The following USP36 variants were observed in gnomAD, a reference collection of about 807,000 sequenced individuals.
The protein encoded by USP36 is ubiquitin specific peptidase 36.
In USP36, 59 loss-of-function variants were observed where a neutral mutation model predicts 111.5. The observed-to-expected ratio is 0.53, with a 90% CI of 0.43 to 0.66. USP36 has a LOEUF of 0.66. USP36 is among the 30% of genes least tolerant of loss of function. The pLI is 0.00. For synonymous variants in USP36, 628 were observed against 581.0 expected, an observed-to-expected ratio of 1.08 and a Z score of -1.16; for missense variants, 1,488 against 1,468.0, an observed-to-expected ratio of 1.01 and a Z score of -0.22.
Position 78,818,679 on chromosome 17 carries a change from C to A in USP36, c.1011G>T (p.Gly337=). Reference sequence around the variant, plus strand: ...CACGAGCGCTCACCTTGGTGATCTTCCCCCCGCTGAAGTTGGCAAAGCGCT... The same window carrying A: ...CACGAGCGCTCACCTTGGTGATCTTACCCCCGCTGAAGTTGGCAAAGCGCT... ...SLKRFANFSG[G]KITKDVGYPE... is the part of the protein sequence containing the mutation. The change falls in exon 10 of 21, where the codon GGG becomes GGT. Residue 337 remains glycine (G), a synonymous_variant. Coordinates refer to ENST00000449938, the MANE Select transcript of USP36 (RefSeq NM_001385174.1). 2 of 1,613,582 alleles carry A rather than the reference C, an allele frequency of 1.2e-6. No homozygotes were observed. Among genetic ancestry groups the A allele is most frequent in the Non-Finnish European group, 1.7e-6 (2 of 1,179,620 alleles).
At chr17:78,822,762 T>C (rs927906233) in intron 6 of USP36, among the ~76,000 whole-genome samples, 1 of 152,208 alleles carries the variant, frequency 6.6e-6, no homozygotes, top group Admixed American at 6.5e-5. Context: ...CTGGTTCTAC[T>C]TGCAACCCAC....
At position 78,818,657 on chromosome 17, in the gene USP36, G is replaced by C. The variant is rs368388383; in HGVS notation, c.1023+10C>G. On this transcript the variant is annotated intron_variant, in intron 10 of 20. Coordinates refer to ENST00000449938, the MANE Select transcript of USP36 (RefSeq NM_001385174.1). ...ACGGAGCTGCCTGGGATGGTGTCAC[G>C]AGCGCTCACCTTGGTGATCTTCCCC... The C allele has an allele frequency of 2.5e-6, 4 of 1,612,788 alleles. No individual in the cohort carries two copies. The highest frequency in any genetic ancestry group is 1.7e-5 in the Admixed American group (1 of 59,988).
Position 78,813,881 on chromosome 17 carries a change from A to AG in USP36, c.1165-9dup. 6.2e-7 allele frequency: 1 copy of AG among 1,612,780 alleles called. No homozygotes were observed. The highest frequency in any genetic ancestry group is 8.5e-7 in the Non-Finnish European group (1 of 1,179,300). ...CCACTGTCCATTGCTTGCCTGAAGC[A>AG]GCCAAGGATGTTGCAGAAAACAAAA... On this transcript the variant is annotated splice_polypyrimidine_tract_variant and intron_variant, in intron 11 of 20. Transcript: ENST00000449938.
chr17:78,827,646 T>C (rs115042629), intron 5 of USP36, among the ~76,000 whole-genome samples: 2,590 of 152,190 alleles, frequency 0.017, 65 homozygotes, highest in African/African-American at 0.06. Flanking sequence ...CTCACACCTG[T>C]CACTCTAACA....
At chr17:78,819,892 TG>T (rs1567948934) in intron 9 of USP36, 37 bp downstream of exon 9, 1 of 1,601,952 alleles carries the variant, frequency 6.2e-7, no homozygotes, top group South Asian at 1.1e-5. Context: ...ATTTCCCGTC[TG>T]GTATCAGTCT....
intron 10 of USP36, among the ~76,000 whole-genome samples, chr17:78,817,213 A>G (rs562821394): frequency 6.6e-6 from 1 of 152,332 alleles, no homozygotes; most frequent in South Asian, 2.1e-4. Flanking sequence ...TCCGTCATCT[A>G]CGTCTGTGTA....
intron 14 of USP36, 73 bp from the exon 15 acceptor site, chr17:78,806,359 G>T: frequency 6.4e-7 from 1 of 1,571,990 alleles, no homozygotes; most frequent in Non-Finnish European, 8.6e-7. Flanking sequence ...GAAAACAAAA[G>T]TAACAAAAAA....
chr17:78,793,395 A>AG (rs1354686514), downstream of USP36, among the ~76,000 whole-genome samples: 2 of 152,190 alleles, frequency 1.3e-5, no homozygotes, highest in Admixed American at 1.3e-4. Context: ...AGCCCAACGA[A>AG]GAAGGGCAGC....
chr17:78,789,774 A>G (rs779066331), intron 3 of USP36, among the ~76,000 whole-genome samples: 1 of 152,228 alleles, frequency 6.6e-6, no homozygotes, highest in Non-Finnish European at 1.5e-5. Context: ...CTTCAAATAG[A>G]GGAGCTAGTG....
chr17:78,822,321 C>T (rs1295522573), intron 6 of USP36, among the ~76,000 whole-genome samples: 2 of 152,162 alleles, frequency 1.3e-5, no homozygotes, highest in Admixed American at 1.3e-4. Flanking sequence ...CCCAGTGTTG[C>T]CTTTTCTTTT....
chr17:78,830,946 G>A (rs1372699838), intron 4 of USP36, among the ~76,000 whole-genome samples: 8 of 151,910 alleles, frequency 5.3e-5, no homozygotes, highest in African/African-American at 1.9e-4. Flanking sequence ...GAAAATACAG[G>A]CCAGATGCAG....
intron 13 of USP36, among the ~76,000 whole-genome samples, chr17:78,808,329 C>T (rs2093965787): frequency 1.3e-5 from 2 of 152,184 alleles, no homozygotes; most frequent in African/African-American, 4.8e-5. Context: ...TAACTCACTG[C>T]AGCCTCAACC....
At chr17:78,812,364 T>C (rs2094081455) in intron 13 of USP36, among the ~76,000 whole-genome samples, 1 of 152,070 alleles carries the variant, frequency 6.6e-6, no homozygotes, top group African/African-American at 2.4e-5. Flanking sequence ...CTCCTCTTTC[T>C]CTATAGCCAA....
At chr17:78,831,244 AAAAAAAAAAG>A (rs2068071918) in intron 4 of USP36, among the ~76,000 whole-genome samples, 1 of 149,098 alleles carries the variant, frequency 6.7e-6, no homozygotes. Flanking sequence ...AAAAAAAAAA[AAAAAAAAAAG>A]GGACAACATA....
intron 4 of USP36, among the ~76,000 whole-genome samples, chr17:78,831,186 A>G (rs550226560): frequency 8.1e-6 from 1 of 123,344 alleles, no homozygotes; most frequent in Non-Finnish European, 1.6e-5. Flanking sequence ...AGATCACACC[A>G]CTGCACTCCG....
intron 7 of USP36, chr17:78,821,309 G>A (rs565977785): frequency 6.2e-4 from 244 of 393,162 alleles, no homozygotes; most frequent in African/African-American, 3.1e-3. Context: ...ACCACCACGT[G>A]CGGTACTCTC....
At chr17:78,834,906 A>C (rs950568613) in intron 4 of USP36, among the ~76,000 whole-genome samples, 15 of 151,850 alleles carry the variant, frequency 9.9e-5, no homozygotes, top group African/African-American at 3.6e-4. Context: ...ATGTGAGCCC[A>C]GGAGTTCAAG....
rs2093640057 is a variant in USP36 at position 78,797,064 on chromosome 17, G to C, written c.*836C>G. On this transcript the variant is annotated 3_prime_UTR_variant, in exon 21 of 21. Coordinates refer to ENST00000449938, the MANE Select transcript of USP36 (RefSeq NM_001385174.1). ...AAACATATTGCTAATGGAAGCCACA[G>C]GACTGGTCAAAAATAAATGTTTTGT... The C allele has an allele frequency of 6.6e-6, 1 of 152,194 alleles. No individual in the cohort carries two copies. The highest frequency in any genetic ancestry group is 6.5e-5 in the Admixed American group (1 of 15,274). 9.4% of individuals were successfully genotyped at this position (152,194 alleles called of 1,614,324 possible).
At chr17:78,837,096 T>A (rs1006112808) in intron 2 of USP36, among the ~76,000 whole-genome samples, 1 of 152,222 alleles carries the variant, frequency 6.6e-6, no homozygotes, top group Non-Finnish European at 1.5e-5. Flanking sequence ...ATATTTTATA[T>A]ATATTGAGTT....
Sources: allele counts gnomAD v4.1 joint callset (sites outside exome capture counted in the v4.1 genomes callset), GRCh38; gene constraint gnomAD v4.1.1; transcripts MANE v1.5; gene names NCBI Gene and HGNC (gene_info 2026-07-23, HGNC 2026-07-21).